C1orf202: variants seen among roughly 807,000 people sequenced by gnomAD.
C1orf202 encodes the protein uncharacterized protein C1orf202.
chr1:244,730,464 G>T, the C1orf202 span: 2 of 344,138 alleles, frequency 5.8e-6, no homozygotes, highest in Non-Finnish European at 1.0e-5. Flanking sequence ...GCTGACCGGC[G>T]GCGGGGCTGG....
the C1orf202 span, chr1:244,730,041 TG>T: frequency 8.3e-3 from 816 of 98,444 alleles, 5 homozygotes; most frequent in African/African-American, 0.015. Context: ...GCAACATAGT[TG>T]GTTTTTTTTT....
chr1:244,730,893 G>T, the C1orf202 span: 5 of 385,026 alleles, frequency 1.3e-5, no homozygotes, highest in Non-Finnish European at 1.8e-5. Flanking sequence ...GCGCCGCCGC[G>T]CCGGGGGCCA....
At chr1:244,730,836 G>A in the C1orf202 span, 1 of 379,726 alleles carries the variant, frequency 2.6e-6, no homozygotes, top group Non-Finnish European at 4.7e-6. Context: ...CCGCGCGGAG[G>A]GGGGCCCCGC....
At chr1:244,730,754 C>G in the C1orf202 span, 1 of 382,064 alleles carries the variant, frequency 2.6e-6, no homozygotes, top group Non-Finnish European at 4.6e-6. Context: ...GAACAGCCGC[C>G]GCCAGCACCA....
the C1orf202 span, chr1:244,730,952 G>A: frequency 2.6e-6 from 1 of 379,662 alleles, no homozygotes; most frequent in Non-Finnish European, 4.7e-6. Context: ...CTCGGAGCGC[G>A]GGGCCCACAT....
the C1orf202 span, chr1:244,730,743 G>C: frequency 5.2e-6 from 2 of 383,002 alleles, no homozygotes; most frequent in East Asian, 7.4e-5. Flanking sequence ...CGCGGGCCGC[G>C]GAACAGCCGC....
the C1orf202 span, chr1:244,730,133 G>C: frequency 5.6e-6 from 1 of 177,960 alleles, no homozygotes; most frequent in African/African-American, 2.4e-5. Context: ...TTTAGGAAGA[G>C]ACAATCCGCC....
the C1orf202 span, chr1:244,730,840 G>T: frequency 7.9e-6 from 3 of 380,078 alleles, no homozygotes; most frequent in Admixed American, 4.6e-5. Context: ...GCGGAGGGGG[G>T]CCCCGCTCCA....
chr1:244,729,741 T>C, the C1orf202 span, among the ~76,000 whole-genome samples: 1 of 152,092 alleles, frequency 6.6e-6, no homozygotes, highest in Non-Finnish European at 1.5e-5. Flanking sequence ...AAGGAAGACA[T>C]TCAAGACCCA....
the C1orf202 span, chr1:244,730,972 C>T: frequency 2.7e-6 from 1 of 366,320 alleles, no homozygotes; most frequent in East Asian, 3.9e-5. Flanking sequence ...TCTCGGGAAC[C>T]GTCGGGCTGG....
the C1orf202 span, chr1:244,730,657 G>A: frequency 2.6e-6 from 1 of 384,852 alleles, no homozygotes; most frequent in Non-Finnish European, 4.6e-6. Context: ...GCCTCTGCAG[G>A]CTCGAGGGGC....
chr1:244,730,968 G>A, the C1orf202 span: 14 of 374,664 alleles, frequency 3.7e-5, no homozygotes, highest in Non-Finnish European at 5.7e-5. Flanking sequence ...CACATCTCGG[G>A]AACCGTCGGG....
chr1:244,730,688 G>A, the C1orf202 span: 2 of 383,762 alleles, frequency 5.2e-6, no homozygotes, highest in Non-Finnish European at 9.2e-6. Context: ...GCGCTCCGGG[G>A]CCTCCTTGCC....
the C1orf202 span, chr1:244,730,977 G>T: frequency 2.8e-6 from 1 of 363,554 alleles, no homozygotes; most frequent in South Asian, 1.4e-4. Context: ...GGAACCGTCG[G>T]GCTGGACAAC....
the C1orf202 span, chr1:244,730,577 T>A: frequency 2.7e-6 from 1 of 377,252 alleles, no homozygotes; most frequent in Non-Finnish European, 4.7e-6. Context: ...CAGCGGGATC[T>A]CCTCCAGCCG....
the C1orf202 span, chr1:244,730,439 G>A: frequency 5.7e-6 from 2 of 353,564 alleles, no homozygotes; most frequent in Admixed American, 4.7e-5. Flanking sequence ...CGCAACGGGG[G>A]ACCGGCTCCT....
chr1:244,730,769 CCA>C, the C1orf202 span: 1 of 381,020 alleles, frequency 2.6e-6, no homozygotes, highest in Admixed American at 4.5e-5. Flanking sequence ...GCACCAGCAC[CCA>C]GAGCAGGAGC....
chr1:244,730,399 A>T, the C1orf202 span: 1 of 357,008 alleles, frequency 2.8e-6, no homozygotes, highest in East Asian at 4.2e-5. Context: ...GACCAAAAAG[A>T]AAAAAACAAT....
chr1:244,730,855 C>T, the C1orf202 span: 6 of 382,400 alleles, frequency 1.6e-5, no homozygotes, highest in Admixed American at 9.1e-5. Flanking sequence ...GCTCCAGGCG[C>T]GCCGCCTTCT....
Sources: allele counts gnomAD v4.1 joint callset (sites outside exome capture counted in the v4.1 genomes callset), GRCh38; gene constraint gnomAD v4.1.1; transcripts MANE v1.5; gene names NCBI Gene and HGNC (gene_info 2026-07-23, HGNC 2026-07-21).